The following STAG1 variants were observed in gnomAD, a reference collection of about 807,000 sequenced individuals.
The protein encoded by STAG1 is cohesin subunit SA-1.
A neutral mutation model predicts 170.9 loss-of-function variants in STAG1; 26 were observed. That is an observed-to-expected ratio of 0.15 (90% CI 0.11 to 0.21). STAG1 has a LOEUF of 0.21. Ranked by LOEUF, STAG1 falls within the 10% of genes least tolerant of loss-of-function variation. The pLI, the probability that STAG1 is intolerant of heterozygous loss-of-function variation, is 1.00. For missense variants in STAG1, 964 were observed against 1,509.5 expected (o/e 0.64, Z 5.99); for synonymous variants, 514 against 497.7 (o/e 1.03, Z -0.44).
chr3:136,355,403 C>A (rs1253338289), intron 28 of STAG1, among the ~76,000 whole-genome samples: 1 of 148,852 alleles, frequency 6.7e-6, no homozygotes, highest in Non-Finnish European at 1.5e-5. Flanking sequence ...ACAAGAGAGC[C>A]CCAAAATGTA....
chr3:136,580,519 TTC>T lies in STAG1; in HGVS notation c.298-11660_298-11659del, dbSNP rs1937568399. On this transcript the variant is annotated intron_variant, in intron 4 of 33. Coordinates refer to ENST00000383202, the MANE Select transcript of STAG1 (RefSeq NM_005862.3). ...TGAGTTTGCATTTATTCTTGTATAA[TTC>T]TTTTTTTTTTTTTTTTTTTTTTTGA... Among the ~76,000 whole-genome samples the T allele has an allele frequency of 8.9e-5, 13 of 145,764 alleles. No homozygotes were observed. In the South Asian group the frequency reaches 2.7e-3, roughly 30 times the overall value.
chr3:136,634,383 A>AT (rs1443398327), intron 1 of STAG1, among the ~76,000 whole-genome samples: 1 of 151,806 alleles, frequency 6.6e-6, no homozygotes, highest in Non-Finnish European at 1.5e-5. Context: ...CAAAAAAAAA[A>AT]CCAGGGCACC....
intron 5 of STAG1, among the ~76,000 whole-genome samples, chr3:136,562,997 C>T (rs939581971): frequency 1.3e-5 from 2 of 152,186 alleles, no homozygotes; most frequent in African/African-American, 4.8e-5. Flanking sequence ...TAGATTCAGA[C>T]TATGCACTTC....
intron 23 of STAG1, among the ~76,000 whole-genome samples, chr3:136,373,158 A>C (rs138635119): frequency 1.2e-4 from 19 of 152,156 alleles, no homozygotes; most frequent in African/African-American, 3.9e-4. Context: ...AGTATTCTCT[A>C]ATGGTAGTTT....
chr3:136,723,970 G>A (rs1262604053), intron 1 of STAG1, among the ~76,000 whole-genome samples: 1 of 150,548 alleles, frequency 6.6e-6, no homozygotes, highest in Non-Finnish European at 1.5e-5. Flanking sequence ...CCCCGACCAG[G>A]AGGGAGGTGG....
At chr3:136,594,211 G>A (rs994052724) in intron 4 of STAG1, among the ~76,000 whole-genome samples, 2 of 151,988 alleles carry the variant, frequency 1.3e-5, no homozygotes, top group African/African-American at 4.8e-5. Flanking sequence ...CTCTTTCCTT[G>A]GTATAGTCAT....
At chr3:136,628,476 G>A (rs1172360325) in intron 2 of STAG1, among the ~76,000 whole-genome samples, 1 of 152,050 alleles carries the variant, frequency 6.6e-6, no homozygotes, top group African/African-American at 2.4e-5. Context: ...AAAAGGGGTG[G>A]GGGGAGGCTT....
intron 22 of STAG1, among the ~76,000 whole-genome samples, chr3:136,397,575 G>C (rs929241288): frequency 2.0e-5 from 3 of 151,964 alleles, no homozygotes; most frequent in Admixed American, 6.6e-5. Flanking sequence ...TTTTAAGACA[G>C]ACTCTTTTCC....
At chr3:136,723,843 C>T (rs1413166953) in intron 1 of STAG1, among the ~76,000 whole-genome samples, 3 of 143,820 alleles carry the variant, frequency 2.1e-5, no homozygotes, top group African/African-American at 7.8e-5. Flanking sequence ...GGGGGGTCAG[C>T]CCCCCGCCCG....
chr3:136,392,402 G>C (rs2087032752), intron 22 of STAG1, among the ~76,000 whole-genome samples: 1 of 151,962 alleles, frequency 6.6e-6, no homozygotes, highest in Non-Finnish European at 1.5e-5. Context: ...GTTAATTGAA[G>C]AGAAGATAAA....
At chr3:136,570,395 T>TTC (rs1479468647) in intron 4 of STAG1, among the ~76,000 whole-genome samples, 1 of 152,238 alleles carries the variant, frequency 6.6e-6, no homozygotes, top group African/African-American at 2.4e-5. Flanking sequence ...CATTGCTGAA[T>TTC]ATTATTTCAT....
chr3:136,657,324 G>A (rs572009276), intron 1 of STAG1, among the ~76,000 whole-genome samples: 9 of 149,716 alleles, frequency 6.0e-5, no homozygotes, highest in Non-Finnish European at 1.0e-4. Flanking sequence ...TCAGCCGCCC[G>A]AGTAGCTAGG....
intron 6 of STAG1, among the ~76,000 whole-genome samples, chr3:136,523,607 C>T (rs940672315): frequency 1.2e-4 from 19 of 152,136 alleles, no homozygotes; most frequent in African/African-American, 4.6e-4. Flanking sequence ...AATTAGATCC[C>T]ATTTGTCAGT....
intron 9 of STAG1, among the ~76,000 whole-genome samples, chr3:136,498,467 ATGCT>A (rs1933282904): frequency 6.6e-6 from 1 of 151,638 alleles, no homozygotes; most frequent in Admixed American, 6.6e-5. Context: ...CAGCACATCA[ATGCT>A]TGCTTGAGGA....
At chr3:136,620,364 C>A (rs1939789254) in intron 3 of STAG1, among the ~76,000 whole-genome samples, 1 of 152,148 alleles carries the variant, frequency 6.6e-6, no homozygotes, top group South Asian at 2.1e-4. Context: ...GTACCTGAGG[C>A]AGGACTCCAA....
At chr3:136,439,209 A>G (rs1026193704) in intron 15 of STAG1, among the ~76,000 whole-genome samples, 1 of 25,216 alleles carries the variant, frequency 4.0e-5, no homozygotes, top group Non-Finnish European at 6.4e-5. Flanking sequence ...AAAAAAAAAA[A>G]AAAACCCATA....
chr3:136,617,107 A>C (rs1939636980), intron 3 of STAG1, among the ~76,000 whole-genome samples: 1 of 152,238 alleles, frequency 6.6e-6, no homozygotes, highest in South Asian at 2.1e-4. Flanking sequence ...AGTTCATGTC[A>C]GCATGGTTTA....
At chr3:136,393,507 AAAAC>A (rs1176880939) in intron 22 of STAG1, among the ~76,000 whole-genome samples, 1 of 152,180 alleles carries the variant, frequency 6.6e-6, no homozygotes, top group Non-Finnish European at 1.5e-5. Context: ...ATTCTGTCTC[AAAAC>A]AAACAAATGA....
chr3:136,532,248 CT>C (rs1167406933), intron 6 of STAG1, among the ~76,000 whole-genome samples: 3 of 152,000 alleles, frequency 2.0e-5, no homozygotes, highest in African/African-American at 7.2e-5. Context: ...GGTATATTAC[CT>C]TTTTGATGTC....
Sources: allele counts gnomAD v4.1 joint callset (sites outside exome capture counted in the v4.1 genomes callset), GRCh38; gene constraint gnomAD v4.1.1; transcripts MANE v1.5; gene names NCBI Gene and HGNC (gene_info 2026-07-23, HGNC 2026-07-21).